Variants in TOGARAM2 observed in about 807,000 individuals in gnomAD.
TOGARAM2 encodes the protein TOG array regulator of axonemal microtubules protein 2.
TOGARAM2 carries 85 observed loss-of-function variants against 93.3 expected under a neutral mutation model. The observed-to-expected ratio is 0.91, with a 90% CI of 0.76 to 1.09. TOGARAM2 has a LOEUF of 1.09. Ranked by LOEUF, TOGARAM2 falls within the 50% of genes least tolerant of loss-of-function variation. The pLI, the probability that TOGARAM2 is intolerant of heterozygous loss-of-function variation, is 0.00. For missense variants in TOGARAM2, 1,277 were observed against 1,334.5 expected, an observed-to-expected ratio of 0.96 and a Z score of 0.67; for synonymous variants, 593 against 552.8, an observed-to-expected ratio of 1.07 and a Z score of -1.02.
chr2:29,040,611 G>A (rs1226619993), intron 18 of TOGARAM2, among the ~76,000 whole-genome samples: 1 of 152,194 alleles, frequency 6.6e-6, no homozygotes, highest in Non-Finnish European at 1.5e-5. Flanking sequence ...GCACATCTGA[G>A]CTCCCGACCT....
intron 19 of TOGARAM2, chr2:29,049,501 T>C (rs1032925204): frequency 1.3e-5 from 2 of 152,254 alleles, no homozygotes; most frequent in African/African-American, 4.8e-5. Context: ...TTTTGAGTTA[T>C]CGTTATTCAG....
At position 29,023,165 on chromosome 2, in the gene TOGARAM2, G is replaced by A. The variant is rs771177045; in HGVS notation, c.1591G>A (p.Asp531Asn). 9.4e-6 allele frequency: 15 copies of A among 1,597,640 alleles called. No individual in the cohort carries two copies. The Admixed American group carries it at 1.7e-4, about 19-fold the overall frequency. ...AGAGGTCCTCACCGGGAAGCTGCAC[G>A]ACGTGTGCTTGGTGGTGACTGGGGA... ...HSEVLTGKLH[D>N]VCLVVTGEVT... The change falls in exon 12 of 20, where the codon GAC (aspartate) becomes AAC (asparagine). Residue 531 changes from aspartate to asparagine, a missense_variant. By Grantham distance (23) the Asp-to-Asn change is conservative (BLOSUM62 1). Transcript: ENST00000379558.
At chr2:29,012,247 C>T (rs954748925) in intron 7 of TOGARAM2, among the ~76,000 whole-genome samples, 3 of 152,192 alleles carry the variant, frequency 2.0e-5, no homozygotes, top group Admixed American at 2.0e-4. Context: ...CGCTCTACTG[C>T]CCGGCAGGAG....
chr2:29,036,947 C>G lies in TOGARAM2; in HGVS notation c.2635+190C>G, dbSNP rs561483310. ...TGGGCTTTTCTATGTCACAGCCACC[C>G]ACACCTCTGGACGGCTGGAAGTGGA... On this transcript the variant is annotated intron_variant, in intron 18 of 19. Coordinates refer to ENST00000379558, the MANE Select transcript of TOGARAM2 (RefSeq NM_199280.4). 1.4e-4 allele frequency among the ~76,000 whole-genome samples: 21 copies of G among 152,296 alleles called. No homozygotes were observed. The South Asian group carries it at 4.4e-3, about 32-fold the overall frequency.
intron 19 of TOGARAM2, chr2:29,047,505 A>G (rs1003513208): frequency 6.6e-6 from 1 of 152,256 alleles, no homozygotes; most frequent in Non-Finnish European, 1.5e-5. Context: ...GAGGCCTAAT[A>G]ATAGCACAGC....
intron 2 of TOGARAM2, among the ~76,000 whole-genome samples, chr2:28,997,705 C>T (rs1452840398): frequency 6.6e-5 from 10 of 152,204 alleles, no homozygotes; most frequent in Admixed American, 5.2e-4. Flanking sequence ...TTGGTCAGGG[C>T]GGAAGCCGTA....
At chr2:29,032,683 A>G (rs1190830138) in intron 14 of TOGARAM2, 1 of 429,148 alleles carries the variant, frequency 2.3e-6, no homozygotes, top group African/African-American at 2.0e-5. Context: ...GATATCAACT[A>G]GAAAGTAAAT....
intron 18 of TOGARAM2, among the ~76,000 whole-genome samples, chr2:29,037,632 C>A (rs910384199): frequency 1.3e-4 from 20 of 152,074 alleles, no homozygotes; most frequent in Non-Finnish European, 2.5e-4. Flanking sequence ...GGGGCTGGGA[C>A]AGGCACCGTG....
rs1459184824 is a variant in TOGARAM2 at position 29,033,687 on chromosome 2, T to A, written c.2225+124T>A. The stretch of plus-strand genomic sequence containing the variant: ...GATCTGGGGTATCGCTGAGACCTAG[T>A]TGGGGCTGCAATACTAATAGATGAA... On this transcript the variant is annotated intron_variant, in intron 16 of 19. Transcript: ENST00000379558. 3.7e-6 allele frequency: 3 copies of A among 809,720 alleles called. No homozygotes were observed. In the Admixed American group the frequency reaches 8.2e-5, roughly 22 times the overall value. 50.2% of individuals were successfully genotyped at this position (809,720 alleles called of 1,614,324 possible). A position where few individuals can be genotyped will look rare whatever the true frequency, so the allele number is the denominator to read the frequency against.
intron 19 of TOGARAM2, chr2:29,050,557 C>T (rs1479769315): frequency 6.6e-6 from 1 of 152,142 alleles, no homozygotes; most frequent in Non-Finnish European, 1.5e-5. Context: ...TCCTGCCTCT[C>T]AGGGGTGCTG....
In TOGARAM2 at chr2:29,002,700, C is replaced by T. The variant is rs79048909; in HGVS notation, c.592C>T (p.Pro198Ser). 526 of 1,613,984 alleles carry T rather than the reference C, an allele frequency of 3.3e-4. 4 individuals are homozygous for T. In the African/African-American group the frequency reaches 6.2e-3, roughly 19 times the overall value. The change falls in exon 5 of 20, where the codon CCG becomes TCG. Residue 198 changes from proline (P) to serine (S), a missense_variant. By Grantham distance (74) the Pro-to-Ser change is moderately conservative. Coordinates refer to ENST00000379558, the MANE Select transcript of TOGARAM2 (RefSeq NM_199280.4). ...AGTCAAAGAGAAGGGCCTGGACCTA[C>T]CGGGGAGCATTCCGGGTCCTCACGA... ...SGVKEKGLDLPGSIPGPHELR... is the reference protein window; with the variant it reads ...SGVKEKGLDLSGSIPGPHELR...
chr2:28,957,652 C>T (rs1391722594), intron 1 of TOGARAM2, among the ~76,000 whole-genome samples: 2 of 152,160 alleles, frequency 1.3e-5, no homozygotes, highest in Non-Finnish European at 2.9e-5. Flanking sequence ...GTGTGTATAT[C>T]TGAACATTCC....
chr2:28,957,508 T>A (rs376912542), intron 1 of TOGARAM2, among the ~76,000 whole-genome samples: 2 of 152,326 alleles, frequency 1.3e-5, no homozygotes, highest in South Asian at 4.1e-4. Flanking sequence ...CGGAATATTA[T>A]AACATTAAAA....
In TOGARAM2 at chr2:29,035,150, CAAA is replaced by C. The variant is rs5830098; in HGVS notation, c.2226-295_2226-293del. 8.9e-3 allele frequency among the ~76,000 whole-genome samples: 912 copies of C among 102,540 alleles called. 19 individuals are homozygous for C. The highest frequency in any genetic ancestry group is 0.03 in the African/African-American group (829 of 28,080). The allele number at this position is 102,540 out of a possible 152,430, so 67.3% of individuals were successfully genotyped here. The stretch of plus-strand genomic sequence containing the variant: ...GGGCAGCAAGAGCGAGACTCTGCCT[CAAA>C]AAAAAAAAAAAAAAAAAATGTGTAC... On this transcript the variant is annotated intron_variant, in intron 16 of 19. Coordinates refer to ENST00000379558, the MANE Select transcript of TOGARAM2 (RefSeq NM_199280.4).
At chr2:28,962,171 A>G (rs960223456) in intron 1 of TOGARAM2, among the ~76,000 whole-genome samples, 7 of 151,760 alleles carry the variant, frequency 4.6e-5, no homozygotes, top group Admixed American at 1.3e-4. Context: ...CTATATATAC[A>G]TACATAGTTT....
Position 28,999,373 on chromosome 2 carries a change from A to T in TOGARAM2, c.332A>T (p.Glu111Val). 6.2e-7 allele frequency: 1 copy of T among 1,613,466 alleles called. No homozygotes were observed. The change falls in exon 4 of 20, where the codon GAG (glutamate) becomes GTG (valine). Residue 111 changes from glutamate (E) to valine (V), a missense_variant. Physicochemically the swap from Glu to Val is moderately radical, Grantham distance 121. Transcript: ENST00000379558. ...DQPLVLLPSP[E>V]SEANSVARDT... ...CCCCTGGTGCTCCTCCCTTCTCCGG[A>T]GTCAGAGGCCAACAGCGTGGCCAGG...
Position 29,017,237 on chromosome 2 carries a change from G to C in TOGARAM2, c.1128G>C (p.Glu376Asp). 6.2e-7 allele frequency: 1 copy of C among 1,614,006 alleles called. No individual in the cohort carries two copies. Among genetic ancestry groups the C allele is most frequent in the African/African-American group, 1.3e-5 (1 of 75,048 alleles). Residue 376 changes from glutamate to aspartate, a missense_variant, in exon 9 of 20, where the codon GAG becomes GAC. Glu to Asp is a conservative substitution (Grantham distance 45). Transcript: ENST00000379558. ...AGATGGAGCTGCTTCGGAGGCTGGAGGAGCCCAGGACAGGGCAGGAGCTCA... is the reference window on the plus strand; with the variant it reads ...AGATGGAGCTGCTTCGGAGGCTGGACGAGCCCAGGACAGGGCAGGAGCTCA... ...MKEMELLRRL[E>D]EPRTGQELTS...
intron 19 of TOGARAM2, chr2:29,046,032 G>A (rs971060893): frequency 1.9e-5 from 3 of 157,718 alleles, no homozygotes; most frequent in Admixed American, 6.2e-5. Context: ...AAGTTGCCAT[G>A]TACAACTTTA....
chr2:28,965,590 C>T (rs1248423204), intron 1 of TOGARAM2, among the ~76,000 whole-genome samples: 1 of 152,256 alleles, frequency 6.6e-6, no homozygotes, highest in African/African-American at 2.4e-5. Context: ...CTTTAGCTCA[C>T]TGCTTCTCAG....
Sources: gnomAD v4.1 joint callset for allele counts (sites outside exome capture counted in the v4.1 genomes callset) on GRCh38, gnomAD v4.1.1 for gene constraint, MANE v1.5 for transcripts, NCBI Gene and HGNC (gene_info 2026-07-23, HGNC 2026-07-21) for gene names.